Variants in PHF19 observed in about 807,000 individuals in gnomAD.
PHF19 encodes the protein polycomb like 3.
Under a neutral mutation model 79.8 loss-of-function variants are expected in PHF19, and 21 were observed. The ratio of observed to expected loss-of-function variants is 0.26; its 90% CI spans 0.19 to 0.38. PHF19 has a LOEUF of 0.38. PHF19 is among the 10% of genes least tolerant of loss of function. PHF19 has a pLI of 1.00. For missense variants in PHF19, 445 were observed against 744.2 expected, an observed-to-expected ratio of 0.60 and a Z score of 4.68; for synonymous variants, 273 against 296.3, an observed-to-expected ratio of 0.92 and a Z score of 0.81.
chr9:120,887,671 CACACAG>C (rs2046286324), intron 1 of PHF19, among the ~76,000 whole-genome samples: 1 of 150,532 alleles, frequency 6.6e-6, no homozygotes, highest in Admixed American at 6.6e-5. Flanking sequence ...CACACACACA[CACACAG>C]ATGGTCCCTG....
chr9:120,881,052 A>C (rs1205772911), upstream of PHF19, among the ~76,000 whole-genome samples: 1 of 152,128 alleles, frequency 6.6e-6, no homozygotes, highest in Admixed American at 6.5e-5. Context: ...AAGTATTGAA[A>C]CATGCATGGG....
chr9:120,877,878 A>T (rs1379496337), upstream of PHF19, among the ~76,000 whole-genome samples: 1 of 152,216 alleles, frequency 6.6e-6, no homozygotes, highest in African/African-American at 2.4e-5. Context: ...GCATAGATAC[A>T]CAAGGGGGAA....
intron 1 of PHF19, among the ~76,000 whole-genome samples, chr9:120,888,363 G>C (rs2046297367): frequency 6.6e-6 from 1 of 152,206 alleles, no homozygotes; most frequent in Admixed American, 6.5e-5. Context: ...CTTGGTGGCA[G>C]CTCGAAGAGC....
In PHF19 at chr9:120,860,138, G is replaced by C; in HGVS notation, c.1352C>G (p.Ala451Gly). The change falls in exon 14 of 15, where the codon GCT (alanine) becomes GGT (glycine). Residue 451 changes from alanine to glycine, a missense_variant. Physicochemically the swap from Ala to Gly is moderately conservative, Grantham distance 60 (BLOSUM62 0). Around this residue, in one of 5 missense-constraint regions of PHF19, gnomAD observed 125 missense variants for 180.5 expected, o/e 0.69. Coordinates refer to ENST00000373896, the MANE Select transcript of PHF19 (RefSeq NM_015651.3). The surrounding 1 kb of genome is among the most constrained non-coding windows in gnomAD (Gnocchi z 4.1). ...GGAGGCAGAGCCAGAGGTGCTGGCA[G>C]CGTCGGTGGAGTCGACATCTGAGAA... Reference protein sequence around the residue: ...TFFSDVDSTDAASTSGSASTS... With the variant: ...TFFSDVDSTDGASTSGSASTS... 6.2e-7 allele frequency: 1 copy of C among 1,600,986 alleles called. No homozygotes were observed. Among genetic ancestry groups the C allele is most frequent in the South Asian group, 1.1e-5 (1 of 88,506 alleles).
chr9:120,882,155 C>G (rs940840743), upstream of PHF19, among the ~76,000 whole-genome samples: 1 of 152,170 alleles, frequency 6.6e-6, no homozygotes, highest in Non-Finnish European at 1.5e-5. Context: ...TTTGGAAAGG[C>G]GTAGTGATAA....
At chr9:120,872,717 G>A (rs1292874711) in intron 3 of PHF19, among the ~76,000 whole-genome samples, 11 of 141,364 alleles carry the variant, frequency 7.8e-5, no homozygotes, top group Middle Eastern at 3.5e-3. Flanking sequence ...ACAGAGTCTC[G>A]CTCTGTTGCC....
rs186153155 is a variant in PHF19 at position 120,856,519 on chromosome 9, T to A, written c.*1425A>T. The A allele has an allele frequency of 6.6e-6, 1 of 152,374 alleles. No homozygotes were observed. The highest frequency in any genetic ancestry group is 1.9e-4 in the East Asian group (1 of 5,178). The allele number at this position is 152,374 out of a possible 1,614,324, so 9.4% of individuals were successfully genotyped here. A position where few individuals can be genotyped will look rare whatever the true frequency, so the allele number is the denominator to read the frequency against. ...CACCCTCCACGTCAAGGCACTTTTG[T>A]CCATTTTCCAATCAAGTGAGTCAGT... On this transcript the variant is annotated 3_prime_UTR_variant, in exon 15 of 15. Transcript: ENST00000373896.
rs2045844446 is a variant in PHF19 at position 120,869,952 on chromosome 9, C to T, written c.365-7G>A. The T allele has an allele frequency of 1.9e-6, 3 of 1,566,940 alleles. No homozygotes were observed. In the African/African-American group the frequency reaches 4.1e-5, roughly 21 times the overall value. On this transcript the variant is annotated splice_polypyrimidine_tract_variant and splice_region_variant and intron_variant, in intron 4 of 14. Coordinates refer to ENST00000373896, the MANE Select transcript of PHF19 (RefSeq NM_015651.3). The surrounding 1 kb of genome is among the most constrained non-coding windows in gnomAD (Gnocchi z 5.8). ...TGGCACTGCTGGTGGTAACCTACGG[C>T]AGAGGAGGGGGCGGTGAGCGCCCAC...
rs1404215080 is a variant in PHF19 at position 120,855,817 on chromosome 9, T to C, written c.*2127A>G. The C allele has an allele frequency of 1.3e-5, 2 of 152,702 alleles. No homozygotes were observed. Among genetic ancestry groups the C allele is most frequent in the Non-Finnish European group, 2.9e-5 (2 of 68,068 alleles). 9.5% of individuals were successfully genotyped at this position (152,702 alleles called of 1,614,324 possible). On this transcript the variant is annotated 3_prime_UTR_variant, in exon 15 of 15. Transcript: ENST00000373896. ...CTATTATCTGGTATGAATGAAATGC[T>C]GGGGTGGGGAGTCAGGGTGACCTCA...
rs1329001968 is a variant in PHF19, at chr9:120,869,712, C to T, written c.465+133G>A. On this transcript the variant is annotated intron_variant, in intron 5 of 14. Coordinates refer to ENST00000373896, the MANE Select transcript of PHF19 (RefSeq NM_015651.3). This position sits in a 1 kb window ranked among gnomAD's most constrained non-coding sequence, Gnocchi z 5.8. ...TACAAATCCTGGCCAAGGACAGTGG[C>T]AGAGGCGCTATCTGTCTCCAAAGCC... The T allele has an allele frequency of 6.4e-7, 1 of 1,556,740 alleles. No individual in the cohort carries two copies. Among genetic ancestry groups the T allele is most frequent in the African/African-American group, 1.4e-5 (1 of 73,608 alleles).
At chr9:120,863,334 C>G (rs2045593556) in intron 10 of PHF19, among the ~76,000 whole-genome samples, 1 of 151,812 alleles carries the variant, frequency 6.6e-6, no homozygotes, top group Admixed American at 6.5e-5. Context: ...CCAGAGGTGT[C>G]TGGAAGAGTT....
In PHF19 at chr9:120,874,772, CA is replaced by C. The variant is rs1237422294; in HGVS notation, c.-15-17del. 1 of 1,583,234 alleles carries C rather than the reference CA, an allele frequency of 6.3e-7. No individual in the cohort carries two copies. The highest frequency in any genetic ancestry group is 1.7e-5 in the Admixed American group (1 of 58,824). On this transcript the variant is annotated splice_polypyrimidine_tract_variant and intron_variant, in intron 1 of 14. Transcript: ENST00000373896. This position sits in a 1 kb window ranked among gnomAD's most constrained non-coding sequence, Gnocchi z 4.5. Reference sequence around the variant, plus strand: ...TCCCCTGACACTGGGAGAGAAAGAACAGGGTTTTTGCTTCTTGCTTCCCTGC... The same window carrying C: ...TCCCCTGACACTGGGAGAGAAAGAACGGGTTTTTGCTTCTTGCTTCCCTGC...
At chr9:120,878,601 C>T (rs1169466322), upstream of PHF19, among the ~76,000 whole-genome samples, 1 of 152,168 alleles carries the variant, frequency 6.6e-6, no homozygotes, top group South Asian at 2.1e-4. Flanking sequence ...ATCTGTGCAG[C>T]CCCCCACCTC....
upstream of PHF19, chr9:120,877,430 A>AGTCCCCGCCC: frequency 1.2e-6 from 1 of 855,998 alleles, no homozygotes; most frequent in African/African-American, 1.9e-5. Context: ...CAGCGCCGCC[A>AGTCCCCGCCC]GCCCCCGCCC....
chr9:120,869,968 G>T lies in PHF19; in HGVS notation c.365-23C>A. 6.4e-7 allele frequency: 1 copy of T among 1,554,472 alleles called. No individual in the cohort carries two copies. Among genetic ancestry groups the T allele is most frequent in the South Asian group, 1.2e-5 (1 of 84,694 alleles). On this transcript the variant is annotated intron_variant, in intron 4 of 14. Coordinates refer to ENST00000373896, the MANE Select transcript of PHF19 (RefSeq NM_015651.3). The surrounding 1 kb of genome is among the most constrained non-coding windows in gnomAD (Gnocchi z 5.8). ...AACCTACGGCAGAGGAGGGGGCGGT[G>T]AGCGCCCACAAGGACATCGTGGCCC...
At chr9:120,882,857 A>G (rs2046207369) in intron 1 of PHF19, among the ~76,000 whole-genome samples, 1 of 150,620 alleles carries the variant, frequency 6.6e-6, no homozygotes, top group Non-Finnish European at 1.5e-5. Flanking sequence ...AAAAAAAAAA[A>G]AAGAAAGAAA....
intron 1 of PHF19, among the ~76,000 whole-genome samples, chr9:120,893,278 A>C (rs2046364781): frequency 6.6e-6 from 1 of 152,158 alleles, no homozygotes; most frequent in African/African-American, 2.4e-5. Context: ...AACCACATGG[A>C]TTCACTGGGT....
intron 10 of PHF19, chr9:120,863,171 G>C (rs2045586992): frequency 5.6e-6 from 1 of 177,414 alleles, no homozygotes; most frequent in Non-Finnish European, 1.2e-5. Context: ...AAGTGACTTA[G>C]ACACAGCCCT....
the PHF19 span, chr9:120,903,225 G>C: frequency 6.6e-6 from 1 of 152,262 alleles, no homozygotes; most frequent in Non-Finnish European, 1.5e-5. Context: ...AGCAGCCCCA[G>C]AATGTTTGCT....
Sources: allele counts gnomAD v4.1 joint callset (sites outside exome capture counted in the v4.1 genomes callset), GRCh38; gene constraint gnomAD v4.1.1; regional missense constraint gnomAD v4.1.1; non-coding constraint Gnocchi (gnomAD v3.1); transcripts MANE v1.5; gene names NCBI Gene and HGNC (gene_info 2026-07-23, HGNC 2026-07-21).